Variants in SNX29 observed in about 807,000 individuals in gnomAD.
SNX29 encodes the protein sorting nexin 29.
In SNX29, 78 loss-of-function variants were observed where a neutral mutation model predicts 102.1. The observed-to-expected ratio is 0.76, with a 90% CI of 0.64 to 0.92. SNX29 has a LOEUF of 0.92. SNX29 is among the 40% of genes least tolerant of loss of function. The pLI is 0.00. For synonymous variants in SNX29, 580 were observed against 414.5 expected (o/e 1.40, Z -4.85); for missense variants, 1,280 against 1,061.7 (o/e 1.21, Z -2.86).
At chr16:12,464,120 T>C (rs2086942662) in intron 18 of SNX29, among the ~76,000 whole-genome samples, 1 of 152,024 alleles carries the variant, frequency 6.6e-6, no homozygotes, top group African/African-American at 2.4e-5. Context: ...GCAATATTTG[T>C]CTTTCTGTGT....
intron 11 of SNX29, among the ~76,000 whole-genome samples, chr16:12,079,658 C>G (rs1437252732): frequency 6.6e-6 from 1 of 152,174 alleles, no homozygotes; most frequent in African/African-American, 2.4e-5. Context: ...CAAAGCCATT[C>G]AGACCTACTC....
At chr16:12,551,169 C>T (rs928626813) in intron 20 of SNX29, among the ~76,000 whole-genome samples, 1 of 152,078 alleles carries the variant, frequency 6.6e-6, no homozygotes, top group Admixed American at 6.6e-5. Flanking sequence ...CCCTCAGTAC[C>T]ATCGTGCAGA....
intron 20 of SNX29, among the ~76,000 whole-genome samples, chr16:12,558,979 C>A (rs1219000719): frequency 6.6e-6 from 1 of 152,178 alleles, no homozygotes; most frequent in Non-Finnish European, 1.5e-5. Flanking sequence ...GATTCAGAGA[C>A]TTTAAAGAAA....
At chr16:12,137,882 G>A (rs350281) in intron 13 of SNX29, among the ~76,000 whole-genome samples, 3 of 152,062 alleles carry the variant, frequency 2.0e-5, no homozygotes, top group Non-Finnish European at 1.5e-5. Context: ...GGTGTGGGCC[G>A]TTTCATTGCT....
At chr16:12,558,525 G>T (rs2078516594) in intron 20 of SNX29, among the ~76,000 whole-genome samples, 1 of 152,168 alleles carries the variant, frequency 6.6e-6, no homozygotes, top group South Asian at 2.1e-4. Flanking sequence ...TTACCCCAGG[G>T]ATGCACACAC....
intron 19 of SNX29, among the ~76,000 whole-genome samples, chr16:12,485,100 G>A (rs186862909): frequency 6.6e-6 from 1 of 152,190 alleles, no homozygotes; most frequent in Admixed American, 6.5e-5. Flanking sequence ...AATTCCAAAA[G>A]TGAGTACATA....
At chr16:12,185,621 G>C (rs1215301625) in intron 13 of SNX29, among the ~76,000 whole-genome samples, 1 of 152,066 alleles carries the variant, frequency 6.6e-6, no homozygotes, top group Non-Finnish European at 1.5e-5. Context: ...GTATTTTGTT[G>C]TTAACTTTTT....
intron 18 of SNX29, among the ~76,000 whole-genome samples, chr16:12,465,558 C>T (rs1450338540): frequency 6.6e-6 from 1 of 152,132 alleles, no homozygotes; most frequent in Non-Finnish European, 1.5e-5. Context: ...GTTCTGTTCT[C>T]ATGGTCTATG....
At chr16:12,278,437 A>G (rs756026607) in intron 15 of SNX29, among the ~76,000 whole-genome samples, 25 of 152,294 alleles carry the variant, frequency 1.6e-4, no homozygotes, top group South Asian at 8.3e-4. Flanking sequence ...AGATGAGGCA[A>G]ACTGGTCGAA....
At chr16:12,451,538 T>C (rs2086300109) in intron 18 of SNX29, among the ~76,000 whole-genome samples, 1 of 152,086 alleles carries the variant, frequency 6.6e-6, no homozygotes. Context: ...TTAACAGAAA[T>C]AGGAAAGGCT....
intron 13 of SNX29, among the ~76,000 whole-genome samples, chr16:12,148,335 C>T (rs2055152771): frequency 6.6e-6 from 1 of 152,208 alleles, no homozygotes; most frequent in African/African-American, 2.4e-5. Flanking sequence ...CCTTTGAGCA[C>T]ATTCCCTCTT....
intron 20 of SNX29, among the ~76,000 whole-genome samples, chr16:12,528,676 G>C (rs890092327): frequency 2.6e-5 from 4 of 152,220 alleles, no homozygotes; most frequent in African/African-American, 9.7e-5. Flanking sequence ...TCACCTGCCT[G>C]CATGACTACC....
At chr16:12,034,058 G>A (rs1294922514) in intron 4 of SNX29, among the ~76,000 whole-genome samples, 3 of 152,194 alleles carry the variant, frequency 2.0e-5, no homozygotes, top group Non-Finnish European at 2.9e-5. Flanking sequence ...TCTTCAGTCA[G>A]TGGGAAGCGG....
In SNX29 at chr16:12,350,518, T is replaced by C. The variant is rs117299373; in HGVS notation, c.1783-5645T>C. Among the ~76,000 whole-genome samples the C allele has an allele frequency of 5.8e-3, 884 of 152,302 alleles. 4 individuals carry two copies. Among genetic ancestry groups the C allele is most frequent in the Middle Eastern group, 0.031 (9 of 294 alleles). On this transcript the variant is annotated intron_variant, in intron 15 of 20. Coordinates refer to ENST00000566228, the MANE Select transcript of SNX29 (RefSeq NM_032167.5). ...TCCGCCACCCATACCGAGGGATGACTGTACCGCCATCCGCTGTGGGCAGGC... is the reference window on the plus strand; with the variant it reads ...TCCGCCACCCATACCGAGGGATGACCGTACCGCCATCCGCTGTGGGCAGGC...
intron 16 of SNX29, among the ~76,000 whole-genome samples, chr16:12,393,569 G>A (rs1052386674): frequency 1.3e-5 from 2 of 152,162 alleles, no homozygotes; most frequent in African/African-American, 4.8e-5. Context: ...GATAACCAGC[G>A]TGGAGTCATT....
intron 20 of SNX29, among the ~76,000 whole-genome samples, chr16:12,549,991 G>C (rs1389994226): frequency 1.3e-5 from 2 of 152,218 alleles, no homozygotes; most frequent in East Asian, 1.9e-4. Flanking sequence ...TTCATGTATA[G>C]CTTCTTATTA....
chr16:12,499,322 T>C (rs2088991125), intron 19 of SNX29, among the ~76,000 whole-genome samples: 1 of 152,208 alleles, frequency 6.6e-6, no homozygotes. Flanking sequence ...CATCACTGTT[T>C]TTTGTTTGTG....
In SNX29 at chr16:12,047,170, A is replaced by G. The variant is rs1195295197; in HGVS notation, c.499+716A>G. Among the ~76,000 whole-genome samples the G allele has an allele frequency of 2.6e-5, 4 of 152,158 alleles. No individual in the cohort carries two copies. In the East Asian group the frequency reaches 7.7e-4, roughly 29 times the overall value. On this transcript the variant is annotated intron_variant, in intron 6 of 20. Transcript: ENST00000566228. ...CAGCAGTCATCTTCATGGGGCTGTG[A>G]GAGAATCATGTGAGATCAGGAGTCG...
At chr16:12,498,003 A>G (rs1463397859) in intron 19 of SNX29, among the ~76,000 whole-genome samples, 1 of 152,210 alleles carries the variant, frequency 6.6e-6, no homozygotes, top group African/African-American at 2.4e-5. Flanking sequence ...AGAAAAGGAC[A>G]TGGGTAGCAA....
Sources: allele counts gnomAD v4.1 joint callset (sites outside exome capture counted in the v4.1 genomes callset), GRCh38; gene constraint gnomAD v4.1.1; transcripts MANE v1.5; gene names NCBI Gene and HGNC (gene_info 2026-07-23, HGNC 2026-07-21).